The following KLK7 variants were observed in gnomAD, a reference collection of about 807,000 sequenced individuals.
The protein encoded by KLK7 is kallikrein related peptidase 7.
KLK7 carries 17 observed loss-of-function variants against 21.0 expected under a neutral mutation model. The observed-to-expected ratio is 0.81, with a 90% confidence interval of 0.55 to 1.21. The LOEUF (loss-of-function observed/expected upper bound fraction) is 1.21. KLK7 is among the 50% of genes most tolerant of loss of function. The probability of loss-of-function intolerance (pLI) is 0.00; values close to 1 mark genes in which losing one functional copy is unlikely to be tolerated. For synonymous variants in KLK7, 151 were observed against 134.6 expected, an observed-to-expected ratio of 1.12 and a Z score of -0.85; for missense variants, 330 against 322.8, an observed-to-expected ratio of 1.02 and a Z score of -0.17.
Position 50,980,297 on chromosome 19 carries a change from C to T in KLK7, c.412G>A (p.Glu138Lys), listed in dbSNP as rs767922213. 8.1e-6 allele frequency: 13 copies of T among 1,613,956 alleles called. No homozygotes were observed. The highest frequency in any genetic ancestry group is 2.2e-5 in the South Asian group (2 of 91,072). Residue 138 changes from glutamate (E) to lysine (K), a missense_variant, in exon 4 of 6, where the codon GAA (glutamate) becomes AAA (lysine). Physicochemically the swap from Glu to Lys is moderately conservative, Grantham distance 56. Transcript: ENST00000595820. The part of the protein sequence containing the change: ...VKKVRLPSRC[E>K]PPGTTCTVSG... ...ACAGTACAGGTGGTTCCAGGGGGTT[C>T]GCAGCGGGAGGGCAGCCTGACTTTC...
intron 5 of KLK7, 79 bp from the exon 6 acceptor site, chr19:50,977,770 G>T: frequency 1.4e-6 from 2 of 1,442,162 alleles, no homozygotes; most frequent in Non-Finnish European, 1.9e-6. Flanking sequence ...TCAGTTATCG[G>T]TCTTTGTCTT....
At chr19:50,978,959 CAG>C (rs909540367) in intron 5 of KLK7, among the ~76,000 whole-genome samples, 6 of 150,910 alleles carry the variant, frequency 4.0e-5, no homozygotes, top group Non-Finnish European at 8.9e-5. Context: ...AGGGAGAAGA[CAG>C]AGAGCAGAGA....
Position 50,977,545 on chromosome 19 carries a change from C to G in KLK7, c.753G>C (p.Lys251Asn), listed in dbSNP as rs768252949. 4.3e-6 allele frequency: 7 copies of G among 1,613,584 alleles called. No homozygotes were observed. In the African/African-American group the frequency reaches 9.3e-5, roughly 22 times the overall value. ...TTAACTCAGTGTGGCGTTAGCGATG[C>G]TTTTTCATGGTGTCATTTATCCACT... ...FTKWINDTMK[K>N]HR The change falls in exon 6 of 6, where the codon AAG becomes AAC. Residue 251 changes from lysine (K) to asparagine (N), a missense_variant. Transcript: ENST00000595820.
At chr19:50,982,850 A>C (rs1467474412) in intron 1 of KLK7, among the ~76,000 whole-genome samples, 23 of 74,178 alleles carry the variant, frequency 3.1e-4, no homozygotes, top group East Asian at 9.4e-4. Flanking sequence ...GTCCAGGTCC[A>C]AGTCCCTCCT....
rs765835597 is a variant in KLK7, at chr19:50,980,434, C to G, written c.275G>C (p.Arg92Thr). ...GCGGAATGACTTCGAGGCCTTGATC[C>G]TCTGAGCTCTCCTGTCGCCCAGCGT... The part of the protein sequence containing the change: ...SDTLGDRRAQ[R>T]IKASKSFRHP... Residue 92 changes from arginine to threonine, a missense_variant, in exon 4 of 6, where the codon AGG becomes ACG. Coordinates refer to ENST00000595820, the MANE Select transcript of KLK7 (RefSeq NM_005046.4). 120 of 1,613,918 alleles carry G rather than the reference C, an allele frequency of 7.4e-5. No homozygotes were observed. The highest frequency in any genetic ancestry group is 9.6e-5 in the Non-Finnish European group (113 of 1,179,970).
chr19:50,978,002 T>A (rs940053241), intron 5 of KLK7, among the ~76,000 whole-genome samples: 1 of 152,038 alleles, frequency 6.6e-6, no homozygotes, highest in Non-Finnish European at 1.5e-5. Flanking sequence ...AGAAGGAACA[T>A]CATCTCCAAG....
At chr19:50,979,407 C>T (rs1265805272) in intron 5 of KLK7, among the ~76,000 whole-genome samples, 1 of 152,212 alleles carries the variant, frequency 6.6e-6, no homozygotes, top group Non-Finnish European at 1.5e-5. Flanking sequence ...TAAAATGTGA[C>T]ATTTTGTCCA....
Position 50,977,446 on chromosome 19 carries a change from T to C in KLK7, c.*90A>G. 1 of 1,294,700 alleles carries C rather than the reference T, an allele frequency of 7.7e-7. No homozygotes were observed. The highest frequency in any genetic ancestry group is 1.1e-6 in the Non-Finnish European group (1 of 907,220). 80.2% of individuals were successfully genotyped at this position (1,294,700 alleles called of 1,614,324 possible). ...GTTTAAATATATCTTTGAGGAAAGG[T>C]AAAGTCAAATTTGACTTCATAGGTC... is the stretch of plus-strand genomic sequence containing the variant. On this transcript the variant is annotated 3_prime_UTR_variant, in exon 6 of 6. Coordinates refer to ENST00000595820, the MANE Select transcript of KLK7 (RefSeq NM_005046.4).
chr19:50,978,908 G>GGA (rs112455134), intron 5 of KLK7, among the ~76,000 whole-genome samples: 58,577 of 136,336 alleles, frequency 0.43, 16,455 homozygotes, highest in African/African-American at 0.8. Context: ...GGCAGGGAGA[G>GGA]GAGAGAGGGA....
intron 2 of KLK7, 76 bp from the exon 3 acceptor site, chr19:50,981,990 G>A: frequency 6.9e-7 from 1 of 1,454,890 alleles, no homozygotes; most frequent in Non-Finnish European, 9.5e-7. Context: ...GGGATTCCCA[G>A]AGTCAGAGAT....
At position 50,976,560 on chromosome 19, in the gene KLK7, T is replaced by C. The variant is rs1387845201; in HGVS notation, c.*976A>G. On this transcript the variant is annotated 3_prime_UTR_variant, in exon 6 of 6. Transcript: ENST00000595820. ...TACACAGAAGGAAGGAGACACCTCA[T>C]GACGACCCCAGTATGCAGTCTGGGA... is the stretch of plus-strand genomic sequence containing the variant. 6.6e-6 allele frequency: 1 copy of C among 152,224 alleles called. No homozygotes were observed. Among genetic ancestry groups the C allele is most frequent in the South Asian group, 2.1e-4 (1 of 4,838 alleles). 9.4% of individuals were successfully genotyped at this position (152,224 alleles called of 1,614,324 possible). A position where few individuals can be genotyped will look rare whatever the true frequency, so the allele number is the denominator to read the frequency against.
In KLK7 at chr19:50,980,293, G is replaced by A. The variant is rs1344988440; in HGVS notation, c.416C>T (p.Pro139Leu). The change falls in exon 4 of 6, where the codon CCC becomes CTC. Residue 139 changes from proline to leucine, a missense_variant. Pro to Leu is a moderately conservative substitution (Grantham distance 98, BLOSUM62 -3). Transcript: ENST00000595820. The stretch of plus-strand genomic sequence containing the variant: ...GGAGACAGTACAGGTGGTTCCAGGG[G>A]GTTCGCAGCGGGAGGGCAGCCTGAC... ...KKVRLPSRCE[P>L]PGTTCTVSGW... is the part of the protein sequence containing the mutation. The A allele has an allele frequency of 1.9e-6, 3 of 1,614,036 alleles. No homozygotes were observed. The highest frequency in any genetic ancestry group is 2.5e-6 in the Non-Finnish European group (3 of 1,179,978).
Position 50,977,664 on chromosome 19 carries a change from T to C in KLK7, c.634A>G (p.Arg212Gly), listed in dbSNP as rs761045320. 1 of 1,613,564 alleles carries C rather than the reference T, an allele frequency of 6.2e-7. No individual in the cohort carries two copies. Among genetic ancestry groups the C allele is most frequent in the South Asian group, 1.1e-5 (1 of 91,064 alleles). ...GACACCAGACCTTGCAGGGTACCTC[T>C]GCACACCAACGGTCCCCCTGAGTCA... ...NGDSGGPLVC[R>G]GTLQGLVSWG... The change falls in exon 6 of 6, where the codon AGA becomes GGA. Residue 212 changes from arginine (R) to glycine (G), a missense_variant. Coordinates refer to ENST00000595820, the MANE Select transcript of KLK7 (RefSeq NM_005046.4).
chr19:50,982,374 AG>A lies in KLK7; in HGVS notation c.25del (p.Leu9CysfsTer8). On this transcript the variant is annotated frameshift_variant, in exon 2 of 6. Coordinates refer to ENST00000595820, the MANE Select transcript of KLK7 (RefSeq NM_005046.4). LOFTEE classifies it high-confidence loss of function. Reference sequence around the variant, plus strand: ...GGCTAAGGATAGCAGTAAGATCTGCAGGGGCAGGAGAAGGGATCTTGCCATG... The same window carrying A: ...GGCTAAGGATAGCAGTAAGATCTGCAGGGCAGGAGAAGGGATCTTGCCATG... MARSLLLP[L>X]QILLLSLALE... 1 of 1,609,376 alleles carries A rather than the reference AG, an allele frequency of 6.2e-7. No homozygotes were observed. Among genetic ancestry groups the A allele is most frequent in the Middle Eastern group, 1.7e-4 (1 of 6,050 alleles).
intron 1 of KLK7, 23 bp from the exon 2 acceptor site, chr19:50,982,480 G>A: frequency 6.5e-7 from 1 of 1,534,526 alleles, no homozygotes; most frequent in Non-Finnish European, 8.8e-7. Flanking sequence ...AAGCATTCAG[G>A]CCCAGCCCCT....
At position 50,981,790 on chromosome 19, in the gene KLK7, G is replaced by T. The variant is rs2091091104; in HGVS notation, c.198C>A (p.Leu66=). The change falls in exon 3 of 6, where the codon CTC becomes CTA. Residue 66 remains leucine (L), a synonymous_variant. Coordinates refer to ENST00000595820, the MANE Select transcript of KLK7 (RefSeq NM_005046.4). ...ACTTCATCTTGCAGTGGGCGGCAGT[G>T]AGCACCCAGCGCTCATTGACCAGGA... ...GGVLVNERWV[L]TAAHCKMNEY... 1 of 1,585,292 alleles carries T rather than the reference G, an allele frequency of 6.3e-7. No individual in the cohort carries two copies. Among genetic ancestry groups the T allele is most frequent in the African/African-American group, 1.3e-5 (1 of 74,894 alleles).
Position 50,982,444 on chromosome 19 carries a change from C to T in KLK7, c.-45G>A. The T allele has an allele frequency of 6.4e-7, 1 of 1,574,176 alleles. No homozygotes were observed. The highest frequency in any genetic ancestry group is 8.6e-7 in the Non-Finnish European group (1 of 1,160,272). On this transcript the variant is annotated 5_prime_UTR_variant, in exon 2 of 6. Transcript: ENST00000595820. ...CAGGGGCTGCCAGGCGAGGAAGGGC[C>T]TCTCCTGCTGGAGCTGAGAAGGAGA... is the stretch of plus-strand genomic sequence containing the variant.
chr19:50,976,715 A>T lies in KLK7; in HGVS notation c.*821T>A, dbSNP rs1175947409. 6 of 152,130 alleles carry T rather than the reference A, an allele frequency of 3.9e-5. No individual in the cohort carries two copies. The highest frequency in any genetic ancestry group is 1.4e-4 in the African/African-American group (6 of 41,426). 9.4% of individuals were successfully genotyped at this position (152,130 alleles called of 1,614,324 possible). A position where few individuals can be genotyped will look rare whatever the true frequency, so the allele number is the denominator to read the frequency against. On this transcript the variant is annotated 3_prime_UTR_variant, in exon 6 of 6. Transcript: ENST00000595820. ...TAAATGTTCTTGAATAATACTGACAATTCTGTCTAAGTATCATTTTTAATA... is the reference window on the plus strand; with the variant it reads ...TAAATGTTCTTGAATAATACTGACATTTCTGTCTAAGTATCATTTTTAATA...
chr19:50,979,681 G>A (rs993940902), intron 5 of KLK7, 107 bp downstream of exon 5: 6 of 1,119,482 alleles, frequency 5.4e-6, no homozygotes, highest in Non-Finnish European at 7.7e-6. Flanking sequence ...GGCCTGGGGG[G>A]AGGGCAAGGC....
Sources: gnomAD v4.1 joint callset for allele counts (sites outside exome capture counted in the v4.1 genomes callset) on GRCh38, gnomAD v4.1.1 for gene constraint, MANE v1.5 for transcripts, NCBI Gene and HGNC (gene_info 2026-07-23, HGNC 2026-07-21) for gene names.